ATE1: variants seen among roughly 807,000 people sequenced by gnomAD.
The protein encoded by ATE1 is arginyltransferase 1.
A neutral mutation model predicts 70.5 loss-of-function variants in ATE1; 36 were observed. That is an observed-to-expected ratio of 0.51 (90% CI 0.39 to 0.67). The LOEUF (loss-of-function observed/expected upper bound fraction) is 0.67, where lower values mean the gene tolerates loss of function less well. ATE1 is among the 30% of genes least tolerant of loss of function. The pLI, the probability that ATE1 is intolerant of heterozygous loss-of-function variation, is 0.00. For missense variants in ATE1, 593 were observed against 629.5 expected, an observed-to-expected ratio of 0.94 and a Z score of 0.62; for synonymous variants, 232 against 219.3, an observed-to-expected ratio of 1.06 and a Z score of -0.51.
chr10:121,890,192 A>G (rs894944007), intron 7 of ATE1, among the ~76,000 whole-genome samples: 1 of 152,240 alleles, frequency 6.6e-6, no homozygotes, highest in Non-Finnish European at 1.5e-5. Context: ...CTAGAATAAA[A>G]GAATCTAAAA....
chr10:121,783,624 T>C (rs750714706), intron 11 of ATE1, among the ~76,000 whole-genome samples: 3 of 152,102 alleles, frequency 2.0e-5, no homozygotes, highest in Non-Finnish European at 2.9e-5. Flanking sequence ...AGCACTTAAA[T>C]AGCTGGTATG....
intron 11 of ATE1, among the ~76,000 whole-genome samples, chr10:121,778,309 C>CA (rs1170949231): frequency 6.6e-6 from 1 of 151,940 alleles, no homozygotes; most frequent in African/African-American, 2.4e-5. Context: ...AACAGAATAA[C>CA]AAAAAAACAA....
chr10:121,852,353 C>A (rs1260408482), intron 8 of ATE1, among the ~76,000 whole-genome samples: 1 of 152,170 alleles, frequency 6.6e-6, no homozygotes, highest in Non-Finnish European at 1.5e-5. Flanking sequence ...GCACCTGATA[C>A]AAAGTCTGCA....
Position 121,762,012 on chromosome 10 carries a change from T to C in ATE1, c.1379-18154A>G, listed in dbSNP as rs146665632. ...TCTCCCACTCACTCTACAATCTATT[T>C]TAAAGTGTATCTTGGCCCAGTCACC... On this transcript the variant is annotated intron_variant, in intron 11 of 11. Transcript: ENST00000224652. Among the ~76,000 whole-genome samples, 8 of 152,292 alleles carry C rather than the reference T, an allele frequency of 5.3e-5. No individual in the cohort carries two copies. In the East Asian group the frequency reaches 1.2e-3, roughly 22 times the overall value.
intron 10 of ATE1, among the ~76,000 whole-genome samples, chr10:121,804,593 TG>T (rs1947020469): frequency 1.3e-5 from 2 of 152,150 alleles, no homozygotes; most frequent in South Asian, 4.1e-4. Flanking sequence ...TGGGCGTAAA[TG>T]TTTGGAGCAT....
intron 7 of ATE1, among the ~76,000 whole-genome samples, chr10:121,883,643 A>T (rs1590622405): frequency 6.6e-6 from 1 of 152,194 alleles, no homozygotes; most frequent in African/African-American, 2.4e-5. Context: ...TTTTGGGAAC[A>T]TTGTCATTTT....
chr10:121,796,624 T>C lies in ATE1; in HGVS notation c.1258-6335A>G, dbSNP rs538166341. ...CTTTGATGAAAACCACTTAGACTAC[T>C]TGTAAGACTCAATTAAAAAAATTAA... On this transcript the variant is annotated intron_variant, in intron 10 of 11. Coordinates refer to ENST00000224652, the MANE Select transcript of ATE1 (RefSeq NM_001001976.3). 1.0e-3 allele frequency among the ~76,000 whole-genome samples: 158 copies of C among 152,324 alleles called. 1 individual carries two copies. The highest frequency in any genetic ancestry group is 3.6e-3 in the African/African-American group (150 of 41,586).
chr10:121,827,396 GCAGCCACCA>G (rs946364895), intron 10 of ATE1, among the ~76,000 whole-genome samples: 14 of 152,242 alleles, frequency 9.2e-5, no homozygotes, highest in African/African-American at 3.4e-4. Flanking sequence ...TCCTGAATGG[GCAGCCACCA>G]CCTTGGAACT....
intron 7 of ATE1, among the ~76,000 whole-genome samples, chr10:121,873,773 T>C (rs558158703): frequency 3.8e-4 from 58 of 152,148 alleles, no homozygotes; most frequent in Middle Eastern, 3.4e-3. Context: ...TTCAAGCCAC[T>C]TTGCTCCTGA....
chr10:121,744,948 G>A (rs1293336427), intron 11 of ATE1, among the ~76,000 whole-genome samples: 2 of 152,096 alleles, frequency 1.3e-5, no homozygotes, highest in African/African-American at 2.4e-5. Flanking sequence ...TGCCTGGAAC[G>A]TTGGACTTCA....
chr10:121,886,773 G>C (rs541254654), intron 7 of ATE1, among the ~76,000 whole-genome samples: 2 of 152,174 alleles, frequency 1.3e-5, no homozygotes, highest in African/African-American at 4.8e-5. Flanking sequence ...TGGTTTCCTT[G>C]TATGTCATTT....
chr10:121,808,278 A>G (rs1282483449), intron 10 of ATE1, among the ~76,000 whole-genome samples: 1 of 152,198 alleles, frequency 6.6e-6, no homozygotes. Flanking sequence ...CGGACTTTGG[A>G]TGACCAGATA....
At chr10:121,810,371 C>T (rs1254835612) in intron 10 of ATE1, among the ~76,000 whole-genome samples, 2 of 151,388 alleles carry the variant, frequency 1.3e-5, no homozygotes, top group Non-Finnish European at 2.9e-5. Flanking sequence ...CCCAGGTTCA[C>T]GCCATTCTTC....
At chr10:121,794,975 C>T (rs559508616) in intron 10 of ATE1, among the ~76,000 whole-genome samples, 2 of 152,248 alleles carry the variant, frequency 1.3e-5, no homozygotes, top group South Asian at 2.1e-4. Flanking sequence ...CGGCTGGGGG[C>T]GGTAGTTCAT....
At chr10:121,892,216 G>A (rs531508426) in intron 7 of ATE1, among the ~76,000 whole-genome samples, 2 of 151,992 alleles carry the variant, frequency 1.3e-5, no homozygotes, top group Non-Finnish European at 2.9e-5. Context: ...AGTGGAGAAA[G>A]AATTTCTAGG....
intron 7 of ATE1, among the ~76,000 whole-genome samples, chr10:121,884,538 TATG>T (rs1950322432): frequency 6.6e-6 from 1 of 151,940 alleles, no homozygotes; most frequent in African/African-American, 2.4e-5. Context: ...TGCCGTGAGC[TATG>T]ATGACGACAC....
chr10:121,856,560 T>C (rs147351018), intron 8 of ATE1, among the ~76,000 whole-genome samples: 1 of 152,300 alleles, frequency 6.6e-6, no homozygotes, highest in African/African-American at 2.4e-5. Context: ...ATAGACATCT[T>C]GCAGGTACTA....
At chr10:121,920,955 T>C (rs911128739) in intron 3 of ATE1, among the ~76,000 whole-genome samples, 1 of 151,228 alleles carries the variant, frequency 6.6e-6, no homozygotes, top group African/African-American at 2.4e-5. Context: ...GATCGCGCCA[T>C]TGCACTCCAG....
In ATE1 at chr10:121,780,903, A is replaced by G. The variant is rs116619328; in HGVS notation, c.1378+9266T>C. Among the ~76,000 whole-genome samples the G allele has an allele frequency of 9.1e-3, 1,391 of 152,290 alleles. 22 individuals carry two copies. The highest frequency in any genetic ancestry group is 0.032 in the African/African-American group (1,337 of 41,546). ...TCACACTTATCTGAGTGTGCTTGAT[A>G]ACTGTCTGTCATCACTAGGTTCCCT... On this transcript the variant is annotated intron_variant, in intron 11 of 11. Transcript: ENST00000224652.
Sources: gnomAD v4.1 joint callset for allele counts (sites outside exome capture counted in the v4.1 genomes callset) on GRCh38, gnomAD v4.1.1 for gene constraint, MANE v1.5 for transcripts, NCBI Gene and HGNC (gene_info 2026-07-23, HGNC 2026-07-21) for gene names.